TBX15: variants seen among roughly 807,000 people sequenced by gnomAD.
The protein encoded by TBX15 is T-box transcription factor TBX15.
In TBX15, 18 loss-of-function variants were observed where a neutral mutation model predicts 53.9. That is an observed-to-expected ratio of 0.33 (90% CI 0.23 to 0.49). TBX15 has a LOEUF of 0.49. Among genes scored for constraint, TBX15 ranks in the 20% least tolerant of loss-of-function variants. TBX15 has a pLI of 0.98. For synonymous variants in TBX15, 295 were observed against 278.0 expected (o/e 1.06, Z -0.61); for missense variants, 692 against 749.5 (o/e 0.92, Z 0.90).
chr1:118,981,303 TACACACACACACAC>T (rs35594301), intron 1 of TBX15, among the ~76,000 whole-genome samples: 11 of 146,828 alleles, frequency 7.5e-5, no homozygotes, highest in East Asian at 2.0e-4. Context: ...TTAAACTAGC[TACACACACACACAC>T]ACACACACAC....
At chr1:118,952,754 T>A (rs1037240655) in intron 1 of TBX15, among the ~76,000 whole-genome samples, 12 of 152,156 alleles carry the variant, frequency 7.9e-5, no homozygotes, top group African/African-American at 2.9e-4. Context: ...ACTCTTTGAC[T>A]CAGAAAGCTA....
chr1:118,983,397 G>A (rs1032510375), intron 1 of TBX15, among the ~76,000 whole-genome samples: 1 of 152,156 alleles, frequency 6.6e-6, no homozygotes, highest in Admixed American at 6.5e-5. Flanking sequence ...TACATAGAAT[G>A]TCTTCATAAC....
At chr1:118,903,446 C>G (rs1287886667) in intron 6 of TBX15, among the ~76,000 whole-genome samples, 1 of 152,116 alleles carries the variant, frequency 6.6e-6, no homozygotes, top group Non-Finnish European at 1.5e-5. Flanking sequence ...TTTCATGACC[C>G]TACTTGGTAG....
At chr1:118,929,144 C>A (rs1346475150) in intron 2 of TBX15, among the ~76,000 whole-genome samples, 2 of 152,198 alleles carry the variant, frequency 1.3e-5, no homozygotes, top group African/African-American at 4.8e-5. Flanking sequence ...CTTGCAAGCA[C>A]CTCTGTCCAT....
chr1:118,985,277 A>G (rs1657793550), intron 1 of TBX15, among the ~76,000 whole-genome samples: 1 of 152,164 alleles, frequency 6.6e-6, no homozygotes, highest in African/African-American at 2.4e-5. Flanking sequence ...CCTGGGCACA[A>G]TAGGGTCGCC....
intron 1 of TBX15, among the ~76,000 whole-genome samples, chr1:118,936,826 C>T (rs192729731): frequency 1.4e-3 from 216 of 152,226 alleles, no homozygotes; most frequent in African/African-American, 4.8e-3. Flanking sequence ...ATTCTACTGC[C>T]TAAGGATGTC....
chr1:118,985,083 G>T lies in TBX15; in HGVS notation c.205+2508C>A, dbSNP rs111735101. ...ATGAGAGATGGTGAGAATACTCTAG[G>T]CATGAACGTGTGCGTGTGTGTTTGT... On this transcript the variant is annotated intron_variant, in intron 1 of 7. Transcript: ENST00000369429. Among the ~76,000 whole-genome samples the T allele has an allele frequency of 8.1e-4, 123 of 152,264 alleles. 5 individuals carry two copies. The highest frequency in any genetic ancestry group is 2.7e-3 in the African/African-American group (114 of 41,560).
intron 1 of TBX15, among the ~76,000 whole-genome samples, chr1:118,951,209 G>A (rs1005138792): frequency 6.6e-6 from 1 of 152,108 alleles, no homozygotes; most frequent in Non-Finnish European, 1.5e-5. Flanking sequence ...CCAGAGACCA[G>A]AAATGTTCAA....
chr1:118,884,627 A>G lies in TBX15; in HGVS notation c.*105T>C, dbSNP rs1653859141. On this transcript the variant is annotated 3_prime_UTR_variant, in exon 8 of 8. Transcript: ENST00000369429. ...CCAGAAAAAAAAAAAAAAAAAAAAC[A>G]CGGTTCCTGTTTTTCAAAGACACTG... The G allele has an allele frequency of 7.5e-7, 1 of 1,324,544 alleles. No homozygotes were observed. 82.0% of individuals were successfully genotyped at this position (1,324,544 alleles called of 1,614,324 possible).
chr1:118,924,562 T>C, intron 4 of TBX15, 84 bp downstream of exon 4: 12 of 1,521,142 alleles, frequency 7.9e-6, no homozygotes, highest in Non-Finnish European at 1.0e-5. Context: ...TTATTTTACC[T>C]ATTTGAAAAA....
At chr1:118,942,756 T>C (rs987531280) in intron 1 of TBX15, among the ~76,000 whole-genome samples, 2 of 152,226 alleles carry the variant, frequency 1.3e-5, no homozygotes, top group African/African-American at 2.4e-5. Context: ...AATACTCAGA[T>C]ACTAACTCTC....
chr1:118,947,212 C>T (rs1301224012), intron 1 of TBX15, among the ~76,000 whole-genome samples: 10 of 152,212 alleles, frequency 6.6e-5, no homozygotes. Flanking sequence ...AAGGCCATGG[C>T]AATGGAGCCT....
rs546840173 is a variant in TBX15, at chr1:118,960,329, G to A, written c.205+27262C>T. ...ATTCACACCAGGAAGCTCTAGTTTC[G>A]AGAGCCCCATGCATTTTTGCAGCTG... On this transcript the variant is annotated intron_variant, in intron 1 of 7. Transcript: ENST00000369429. Among the ~76,000 whole-genome samples the A allele has an allele frequency of 9.2e-5, 14 of 152,300 alleles. No individual in the cohort carries two copies. In the South Asian group the frequency reaches 1.2e-3, roughly 14 times the overall value.
chr1:118,963,215 A>G (rs1656934446), intron 1 of TBX15, among the ~76,000 whole-genome samples: 1 of 152,242 alleles, frequency 6.6e-6, no homozygotes, highest in South Asian at 2.1e-4. Flanking sequence ...ACAGAAATGA[A>G]GAAAACGTGT....
At chr1:118,939,798 C>G (rs1272753513) in intron 1 of TBX15, among the ~76,000 whole-genome samples, 1 of 151,820 alleles carries the variant, frequency 6.6e-6, no homozygotes, top group Non-Finnish European at 1.5e-5. Context: ...CTCTAGTGAT[C>G]CAGCATGCTT....
intron 5 of TBX15, among the ~76,000 whole-genome samples, chr1:118,919,282 A>T (rs535207806): frequency 8.5e-5 from 13 of 152,322 alleles, no homozygotes; most frequent in African/African-American, 2.9e-4. Context: ...TTCTGTGAGG[A>T]TATGTTGGCA....
At chr1:118,980,890 T>C (rs937801079) in intron 1 of TBX15, among the ~76,000 whole-genome samples, 5 of 152,084 alleles carry the variant, frequency 3.3e-5, no homozygotes, top group African/African-American at 9.7e-5. Flanking sequence ...TGGAGTGCAG[T>C]GGCACTATCT....
chr1:118,912,124 T>C (rs1441105130), intron 6 of TBX15, among the ~76,000 whole-genome samples: 5 of 151,414 alleles, frequency 3.3e-5, no homozygotes, highest in Admixed American at 2.0e-4. Context: ...AGAAAAACAA[T>C]GACTCAAATG....
chr1:118,928,328 T>C (rs993000860), intron 2 of TBX15, among the ~76,000 whole-genome samples: 7 of 152,212 alleles, frequency 4.6e-5, no homozygotes, highest in African/African-American at 9.6e-5. Flanking sequence ...TTCTAGGATA[T>C]ATTATCATTT....
Sources: allele counts gnomAD v4.1 joint callset (sites outside exome capture counted in the v4.1 genomes callset), GRCh38; gene constraint gnomAD v4.1.1; transcripts MANE v1.5; gene names NCBI Gene and HGNC (gene_info 2026-07-23, HGNC 2026-07-21).